DCC: variants seen among roughly 807,000 people sequenced by gnomAD.
DCC encodes netrin receptor DCC.
Under a neutral mutation model 172.5 loss-of-function variants are expected in DCC, and 58 were observed. That is an observed-to-expected ratio of 0.34 (90% confidence interval 0.27 to 0.42). The LOEUF (loss-of-function observed/expected upper bound fraction) is 0.42. Ranked by LOEUF, DCC falls within the 10% of genes least tolerant of loss-of-function variation. The pLI is 1.00. For missense variants in DCC, 1,740 were observed against 1,791.0 expected (o/e 0.97, Z 0.51); for synonymous variants, 709 against 644.5 (o/e 1.10, Z -1.52).
intron 7 of DCC, among the ~76,000 whole-genome samples, chr18:53,150,880 C>A (rs1392013421): frequency 1.3e-5 from 2 of 152,190 alleles, no homozygotes; most frequent in African/African-American, 4.8e-5. Flanking sequence ...CTCTCAGAGA[C>A]CCTCAACTGT....
At chr18:53,259,439 G>A (rs976736211) in intron 12 of DCC, among the ~76,000 whole-genome samples, 3 of 152,178 alleles carry the variant, frequency 2.0e-5, no homozygotes, top group Non-Finnish European at 4.4e-5. Context: ...TTGCTTGTCT[G>A]TAAAGTATTT....
intron 1 of DCC, among the ~76,000 whole-genome samples, chr18:52,424,265 C>G (rs1237115857): frequency 6.6e-6 from 1 of 152,098 alleles, no homozygotes; most frequent in Non-Finnish European, 1.5e-5. Flanking sequence ...CCACAATCAC[C>G]GTTCGTGCTG....
At chr18:52,580,307 G>A (rs1346616113) in intron 1 of DCC, among the ~76,000 whole-genome samples, 1 of 152,196 alleles carries the variant, frequency 6.6e-6, no homozygotes, top group African/African-American at 2.4e-5. Flanking sequence ...GCCCAGGTTG[G>A]AGTGCAGTGG....
intron 12 of DCC, among the ~76,000 whole-genome samples, chr18:53,302,092 T>C (rs1359820222): frequency 2.0e-5 from 3 of 152,196 alleles, no homozygotes; most frequent in African/African-American, 7.2e-5. Flanking sequence ...ATCTGTGTCC[T>C]TATTTTCTTT....
chr18:52,377,725 A>T lies in DCC; in HGVS notation c.91+36847A>T, dbSNP rs373709465. On this transcript the variant is annotated intron_variant, in intron 1 of 28. Coordinates refer to ENST00000442544, the MANE Select transcript of DCC (RefSeq NM_005215.4). ...TTTTTTTTTTTTTTTCTTGAGACAG[A>T]GTTTCACCCTGTTGCCCAGGATAAA... 1.0e-4 allele frequency among the ~76,000 whole-genome samples: 15 copies of T among 147,474 alleles called. No individual in the cohort carries two copies. In the East Asian group the frequency reaches 2.6e-3, roughly 25 times the overall value.
At chr18:52,953,023 A>AAAAAAAAAAAC (rs1410549172) in intron 5 of DCC, among the ~76,000 whole-genome samples, 13 of 149,256 alleles carry the variant, frequency 8.7e-5, no homozygotes, top group Admixed American at 8.3e-4. Flanking sequence ...AAAAAAAAAA[A>AAAAAAAAAAAC]AAAAACTCAT....
At chr18:53,199,298 C>T (rs1293748429) in intron 9 of DCC, among the ~76,000 whole-genome samples, 1 of 151,888 alleles carries the variant, frequency 6.6e-6, no homozygotes, top group African/African-American at 2.4e-5. Context: ...ATCTTGTTGG[C>T]CAGGCTGGTC....
chr18:53,512,193 A>G (rs936476614), intron 27 of DCC, among the ~76,000 whole-genome samples: 3 of 152,028 alleles, frequency 2.0e-5, no homozygotes, highest in Admixed American at 6.6e-5. Context: ...ACCCCCCAGC[A>G]GGAGCACACT....
rs139587673 is a variant in DCC, at chr18:52,650,140, C to T, written c.92-101914C>T. On this transcript the variant is annotated intron_variant, in intron 1 of 28. Transcript: ENST00000442544. The stretch of plus-strand genomic sequence containing the variant: ...ATTACAGGAATGTACCACCACGCCT[C>T]GCTAATTTTTGTGTTTTGAGTAGAG... 1.3e-4 allele frequency among the ~76,000 whole-genome samples: 19 copies of T among 151,908 alleles called. No homozygotes were observed. The East Asian group carries it at 1.8e-3, about 14-fold the overall frequency.
intron 1 of DCC, among the ~76,000 whole-genome samples, chr18:52,510,984 G>A (rs2031418004): frequency 6.6e-6 from 1 of 152,122 alleles, no homozygotes; most frequent in South Asian, 2.1e-4. Context: ...CATAGCTCTA[G>A]GGTAAACTAT....
intron 1 of DCC, among the ~76,000 whole-genome samples, chr18:52,479,875 T>C (rs2144580121): frequency 6.6e-6 from 1 of 152,230 alleles, no homozygotes; most frequent in Admixed American, 6.5e-5. Flanking sequence ...AAGAGAAGTA[T>C]TTCACGGACG....
In DCC at chr18:53,467,885, A is replaced by G. The variant is rs763810982; in HGVS notation, c.3620-9A>G. On this transcript the variant is annotated splice_polypyrimidine_tract_variant and intron_variant, in intron 24 of 28. Coordinates refer to ENST00000442544, the MANE Select transcript of DCC (RefSeq NM_005215.4). ...GAGGGCATGTTTCTCAGGAGTGTGT[A>G]TTTTTTAGGTCAAGACACTGAGGAA... 2 of 1,460,350 alleles carry G rather than the reference A, an allele frequency of 1.4e-6. No individual in the cohort carries two copies. Among genetic ancestry groups the G allele is most frequent in the Non-Finnish European group, 1.9e-6 (2 of 1,039,540 alleles). 90.5% of individuals were successfully genotyped at this position (1,460,350 alleles called of 1,614,324 possible).
chr18:52,492,251 G>A (rs575456761), intron 1 of DCC, among the ~76,000 whole-genome samples: 2 of 152,050 alleles, frequency 1.3e-5, no homozygotes, highest in South Asian at 4.1e-4. Flanking sequence ...AAGACATTAA[G>A]TAGACGATTC....
chr18:52,781,142 A>G (rs941328343), intron 2 of DCC, among the ~76,000 whole-genome samples: 3 of 152,152 alleles, frequency 2.0e-5, no homozygotes, highest in Admixed American at 6.6e-5. Flanking sequence ...ATCTGATCTA[A>G]TGATAATAGG....
intron 12 of DCC, among the ~76,000 whole-genome samples, chr18:53,274,318 T>C (rs2056781927): frequency 6.6e-6 from 1 of 152,172 alleles, no homozygotes; most frequent in Non-Finnish European, 1.5e-5. Flanking sequence ...ATTGTGATTG[T>C]TGCTACATCA....
chr18:53,452,977 G>T (rs1213719006), intron 23 of DCC, among the ~76,000 whole-genome samples: 1 of 152,012 alleles, frequency 6.6e-6, no homozygotes, highest in Non-Finnish European at 1.5e-5. Context: ...GTGCAGTGGT[G>T]CAATCTCAGC....
At position 53,351,426 on chromosome 18, in the gene DCC, G is replaced by GTA. The variant is rs1374025632; in HGVS notation, c.2359+11530_2359+11531dup. Among the ~76,000 whole-genome samples, 38 of 14,510 alleles carry GTA rather than the reference G, an allele frequency of 2.6e-3. 4 individuals are homozygous for GTA. The highest frequency in any genetic ancestry group is 6.7e-3 in the African/African-American group (27 of 4,006). 9.5% of individuals were successfully genotyped at this position (14,510 alleles called of 152,430 possible). On this transcript the variant is annotated intron_variant, in intron 15 of 28. Coordinates refer to ENST00000442544, the MANE Select transcript of DCC (RefSeq NM_005215.4). ...GTATATATATATATATACACACTGT[G>GTA]TATATATATATACAGTGTATATATA...
intron 5 of DCC, among the ~76,000 whole-genome samples, chr18:53,030,290 A>T (rs749538967): frequency 8.5e-5 from 13 of 152,174 alleles, no homozygotes; most frequent in Non-Finnish European, 1.8e-4. Flanking sequence ...GCACACATTG[A>T]CATCTCAGTA....
chr18:52,890,020 T>A (rs1328051991), intron 2 of DCC, among the ~76,000 whole-genome samples: 1 of 152,134 alleles, frequency 6.6e-6, no homozygotes, highest in Non-Finnish European at 1.5e-5. Flanking sequence ...AAGCTAAAAT[T>A]TAATTGGATG....
Sources: gnomAD v4.1 joint callset for allele counts (sites outside exome capture counted in the v4.1 genomes callset) on GRCh38, gnomAD v4.1.1 for gene constraint, MANE v1.5 for transcripts, NCBI Gene and HGNC (gene_info 2026-07-23, HGNC 2026-07-21) for gene names.